Variants in RBFOX1 observed in about 807,000 individuals in gnomAD.
The protein encoded by RBFOX1 is RNA binding fox-1 homolog 1, also known as RNA binding protein fox-1 homolog 1.
In RBFOX1, 8 loss-of-function variants were observed where a neutral mutation model predicts 57.7. The observed-to-expected ratio is 0.14, with a 90% CI of 0.08 to 0.25. The LOEUF (loss-of-function observed/expected upper bound fraction) is 0.25, where lower values mean the gene tolerates loss of function less well. Ranked by LOEUF, RBFOX1 falls within the 10% of genes least tolerant of loss-of-function variation. The pLI, the probability that RBFOX1 is intolerant of heterozygous loss-of-function variation, is 1.00. For missense variants in RBFOX1, 611 were observed against 548.5 expected (o/e 1.11, Z -1.14); for synonymous variants, 326 against 222.4 (o/e 1.47, Z -4.15).
intron 3 of RBFOX1, among the ~76,000 whole-genome samples, chr16:6,888,511 C>A (rs780887863): frequency 2.0e-5 from 3 of 152,142 alleles, no homozygotes; most frequent in African/African-American, 7.2e-5. Context: ...ATTGCACTCT[C>A]TGTCTACCGA....
intron 1 of RBFOX1, among the ~76,000 whole-genome samples, chr16:5,398,118 C>G (rs2066613148): frequency 6.6e-6 from 1 of 152,316 alleles, no homozygotes; most frequent in East Asian, 1.9e-4. Flanking sequence ...CCAAGACCAT[C>G]AAGAAAGCCT....
intron 4 of RBFOX1, among the ~76,000 whole-genome samples, chr16:5,945,436 G>A (rs1035793298): frequency 1.2e-4 from 18 of 152,134 alleles, no homozygotes; most frequent in South Asian, 6.2e-4. Flanking sequence ...TCTATGCTTC[G>A]CCCCAGATCT....
intron 3 of RBFOX1, among the ~76,000 whole-genome samples, chr16:5,658,831 T>C (rs962543996): frequency 2.6e-4 from 38 of 148,278 alleles, no homozygotes; most frequent in Admixed American, 1.4e-4. Context: ...TATGTATATA[T>C]GTATATATAT....
At chr16:5,529,922 G>T (rs1172699109) in intron 2 of RBFOX1, among the ~76,000 whole-genome samples, 1 of 152,098 alleles carries the variant, frequency 6.6e-6, no homozygotes, top group Non-Finnish European at 1.5e-5. Flanking sequence ...ACCAGTGAAG[G>T]CTGGAGTTAT....
chr16:7,045,965 A>G (rs1384838269), intron 3 of RBFOX1, among the ~76,000 whole-genome samples: 3 of 152,024 alleles, frequency 2.0e-5, no homozygotes, highest in African/African-American at 7.3e-5. Flanking sequence ...GCCAAGATAA[A>G]CTTTTTATTA....
At chr16:7,567,565 C>CTATATA (rs200899404) in intron 5 of RBFOX1, among the ~76,000 whole-genome samples, 1 of 91,216 alleles carries the variant, frequency 1.1e-5, no homozygotes, top group African/African-American at 3.9e-5. Flanking sequence ...ATATATGGCC[C>CTATATA]TATATATATA....
At chr16:5,886,940 C>G (rs1555558350) in intron 4 of RBFOX1, among the ~76,000 whole-genome samples, 1 of 152,156 alleles carries the variant, frequency 6.6e-6, no homozygotes, top group African/African-American at 2.4e-5. Context: ...ACCAGTCATT[C>G]CCTTAGACCA....
At chr16:7,291,691 C>G (rs1322166350) in intron 4 of RBFOX1, among the ~76,000 whole-genome samples, 1 of 151,792 alleles carries the variant, frequency 6.6e-6, no homozygotes, top group African/African-American at 2.4e-5. Flanking sequence ...GGCACTGAGA[C>G]ATGCAGGAGG....
intron 2 of RBFOX1, among the ~76,000 whole-genome samples, chr16:5,510,163 G>A (rs866135947): frequency 6.6e-6 from 1 of 152,224 alleles, no homozygotes; most frequent in South Asian, 2.1e-4. Flanking sequence ...ACCTCTCTGT[G>A]CCTCAGTTTC....
intron 3 of RBFOX1, among the ~76,000 whole-genome samples, chr16:5,721,580 C>T (rs557004160): frequency 1.8e-4 from 27 of 152,134 alleles, no homozygotes; most frequent in Admixed American, 1.4e-3. Flanking sequence ...TCGGCCATTG[C>T]GTATGATGCC....
intron 3 of RBFOX1, among the ~76,000 whole-genome samples, chr16:6,677,946 A>G (rs1274021992): frequency 2.0e-5 from 3 of 152,222 alleles, no homozygotes; most frequent in African/African-American, 7.2e-5. Flanking sequence ...AAGAACATCT[A>G]ACCTAGTACC....
At chr16:7,022,231 T>A (rs934144327) in intron 3 of RBFOX1, among the ~76,000 whole-genome samples, 5 of 150,284 alleles carry the variant, frequency 3.3e-5, no homozygotes. Context: ...TTTGTATTCT[T>A]TGGTAGAGAC....
chr16:6,487,701 ATATATATATATATATAT>A (rs1157341967), intron 2 of RBFOX1, among the ~76,000 whole-genome samples: 2 of 4,516 alleles, frequency 4.4e-4, no homozygotes, highest in African/African-American at 1.5e-3. Context: ...AAAAAAAAAA[ATATATATATATATATAT>A]ATATATATAT....
At chr16:7,689,810 G>T (rs751146049) in intron 14 of RBFOX1, among the ~76,000 whole-genome samples, 26 of 152,072 alleles carry the variant, frequency 1.7e-4, no homozygotes, top group Admixed American at 1.2e-3. Flanking sequence ...CAAATACCAA[G>T]AGTATGATAT....
At chr16:5,569,437 C>CTTTTTTTTTTTTTTTTTTTT (rs1567240622) in intron 2 of RBFOX1, among the ~76,000 whole-genome samples, 1 of 58,622 alleles carries the variant, frequency 1.7e-5, no homozygotes, top group African/African-American at 6.1e-5. Flanking sequence ...TAAGAAGTAA[C>CTTTTTTTTTTTTTTTTTTTT]CTTTTTTTTT....
intron 4 of RBFOX1, among the ~76,000 whole-genome samples, chr16:7,173,230 C>G (rs2081046448): frequency 6.6e-6 from 1 of 152,132 alleles, no homozygotes; most frequent in Non-Finnish European, 1.5e-5. Flanking sequence ...TTTCTCCTCC[C>G]CCTTTTATTT....
At chr16:7,372,615 C>T (rs552559480) in intron 4 of RBFOX1, among the ~76,000 whole-genome samples, 15 of 152,088 alleles carry the variant, frequency 9.9e-5, no homozygotes, top group Non-Finnish European at 1.6e-4. Flanking sequence ...TTAGTAATGT[C>T]TGCTAAGTGC....
intron 2 of RBFOX1, among the ~76,000 whole-genome samples, chr16:6,460,827 CAA>C (rs57208986): frequency 1.4e-5 from 2 of 141,324 alleles, no homozygotes; most frequent in Non-Finnish European, 1.5e-5. Context: ...TTCAGAATAC[CAA>C]AAAAAAAAAA....
intron 1 of RBFOX1, among the ~76,000 whole-genome samples, chr16:6,056,747 T>TAG (rs2095619168): frequency 6.6e-6 from 1 of 152,150 alleles, no homozygotes; most frequent in Non-Finnish European, 1.5e-5. Flanking sequence ...GAGAGGTACA[T>TAG]TATGAAATCA....
Sources: allele counts gnomAD v4.1 joint callset (sites outside exome capture counted in the v4.1 genomes callset), GRCh38; gene constraint gnomAD v4.1.1; transcripts MANE v1.5; gene names NCBI Gene and HGNC (gene_info 2026-07-23, HGNC 2026-07-21).